Variants in MAML2 observed in about 807,000 individuals in gnomAD.
The protein encoded by MAML2 is mastermind-like protein 2.
MAML2 carries 22 observed loss-of-function variants against 96.1 expected under a neutral mutation model. The ratio of observed to expected loss-of-function variants is 0.23; its 90% CI spans 0.16 to 0.33. The LOEUF (loss-of-function observed/expected upper bound fraction) is 0.33. MAML2 is among the 10% of genes least tolerant of loss of function. The pLI, the probability that MAML2 is intolerant of heterozygous loss-of-function variation, is 1.00. For synonymous variants in MAML2, 561 were observed against 521.3 expected (o/e 1.08, Z -1.04); for missense variants, 1,367 against 1,392.4 (o/e 0.98, Z 0.29).
intron 1 of MAML2, among the ~76,000 whole-genome samples, chr11:96,327,709 G>A (rs1863803821): frequency 6.6e-6 from 1 of 151,912 alleles, no homozygotes; most frequent in South Asian, 2.1e-4. Flanking sequence ...ATGAGCAACT[G>A]CGCCCGGCCC....
intron 2 of MAML2, among the ~76,000 whole-genome samples, chr11:96,089,840 C>A (rs928718585): frequency 6.9e-6 from 1 of 145,310 alleles, no homozygotes; most frequent in Non-Finnish European, 1.5e-5. Flanking sequence ...CACATTTCCA[C>A]CACTTTTTAA....
chr11:96,007,492 AC>A, intron 2 of MAML2, among the ~76,000 whole-genome samples: 1 of 152,270 alleles, frequency 6.6e-6, no homozygotes, highest in Admixed American at 6.5e-5. Context: ...ACAAAATATG[AC>A]TATATCTTGC....
At chr11:95,996,943 T>C (rs1858000639) in intron 2 of MAML2, among the ~76,000 whole-genome samples, 4 of 152,122 alleles carry the variant, frequency 2.6e-5, no homozygotes, top group Admixed American at 2.6e-4. Context: ...CATTCTCAGC[T>C]GATAGATGAG....
intron 4 of MAML2, among the ~76,000 whole-genome samples, 188 bp from the exon 5 acceptor site, chr11:95,980,151 T>C (rs685252): frequency 0.5 from 76,301 of 152,026 alleles, 21,531 homozygotes; most frequent in African/African-American, 0.76. Flanking sequence ...TGAGGTCACT[T>C]TTTGGTTCAG....
intron 1 of MAML2, among the ~76,000 whole-genome samples, chr11:96,120,484 T>C (rs960971787): frequency 5.9e-5 from 9 of 152,226 alleles, no homozygotes; most frequent in Non-Finnish European, 1.2e-4. Context: ...GCCCAGATCC[T>C]GACAGATCGC....
intron 1 of MAML2, among the ~76,000 whole-genome samples, chr11:96,223,815 C>T (rs1862174917): frequency 6.6e-6 from 1 of 152,122 alleles, no homozygotes. Flanking sequence ...TTAGGTACAA[C>T]ACAATTGGGT....
chr11:96,118,573 G>A (rs1485967579), intron 1 of MAML2, among the ~76,000 whole-genome samples: 1 of 152,072 alleles, frequency 6.6e-6, no homozygotes, highest in Non-Finnish European at 1.5e-5. Flanking sequence ...GTGTGAAAAT[G>A]GACTAACACA....
At chr11:95,991,769 A>C (rs201824017) in intron 2 of MAML2, 46 bp from the exon 3 acceptor site, 2 of 1,462,716 alleles carry the variant, frequency 1.4e-6, no homozygotes, top group African/African-American at 2.8e-5. Context: ...GAATTAAAAA[A>C]AGAAAAATGT....
intron 1 of MAML2, among the ~76,000 whole-genome samples, chr11:96,213,928 C>T (rs7116330): frequency 6.6e-6 from 1 of 152,258 alleles, no homozygotes; most frequent in African/African-American, 2.4e-5. Context: ...ATCAGATAGG[C>T]TAACAATGAA....
intron 1 of MAML2, among the ~76,000 whole-genome samples, chr11:96,315,456 T>A (rs1019610354): frequency 2.0e-5 from 3 of 152,242 alleles, no homozygotes; most frequent in African/African-American, 7.2e-5. Flanking sequence ...ACTTACCGTA[T>A]AAAGTAGAAG....
At chr11:96,298,229 C>T (rs1174703480) in intron 1 of MAML2, among the ~76,000 whole-genome samples, 2 of 152,192 alleles carry the variant, frequency 1.3e-5, no homozygotes, top group South Asian at 2.1e-4. Context: ...CTATTGCAAA[C>T]AGCATGCTTA....
intron 1 of MAML2, among the ~76,000 whole-genome samples, chr11:96,308,846 A>G (rs1412867552): frequency 6.6e-6 from 1 of 152,248 alleles, no homozygotes; most frequent in African/African-American, 2.4e-5. Context: ...TGTCTTACAC[A>G]CAATGGATAC....
At chr11:96,262,421 T>A (rs1360375288) in intron 1 of MAML2, among the ~76,000 whole-genome samples, 1 of 152,074 alleles carries the variant, frequency 6.6e-6, no homozygotes, top group Non-Finnish European at 1.5e-5. Context: ...TCTTTCCTCT[T>A]GTTTTTCCCT....
chr11:96,257,397 A>G (rs1862683029), intron 1 of MAML2, among the ~76,000 whole-genome samples: 1 of 152,270 alleles, frequency 6.6e-6, no homozygotes, highest in African/African-American at 2.4e-5. Flanking sequence ...TACTGAGCAC[A>G]GTGCTGGCAC....
In MAML2 at chr11:96,340,203, A is replaced by G. The variant is rs534199597; in HGVS notation, c.513+1180T>C. 3.9e-5 allele frequency among the ~76,000 whole-genome samples: 6 copies of G among 152,344 alleles called. No homozygotes were observed. In the East Asian group the frequency reaches 1.2e-3, roughly 29 times the overall value. On this transcript the variant is annotated intron_variant, in intron 1 of 4. Coordinates refer to ENST00000524717, the MANE Select transcript of MAML2 (RefSeq NM_032427.4). Reference sequence around the variant, plus strand: ...GAGGATGTCCTCTCCCGAGAGCTCAATATCAAGCTCCTTTGGAGGAGCAGT... The same window carrying G: ...GAGGATGTCCTCTCCCGAGAGCTCAGTATCAAGCTCCTTTGGAGGAGCAGT...
intron 1 of MAML2, among the ~76,000 whole-genome samples, chr11:96,131,697 T>C (rs1372486226): frequency 6.6e-6 from 1 of 152,180 alleles, no homozygotes; most frequent in Non-Finnish European, 1.5e-5. Context: ...TAGAATTAGA[T>C]AGTGGTGATG....
intron 1 of MAML2, among the ~76,000 whole-genome samples, chr11:96,169,731 T>G (rs1488019371): frequency 6.6e-6 from 1 of 151,544 alleles, no homozygotes; most frequent in Middle Eastern, 3.4e-3. Flanking sequence ...CTCAGCTCAC[T>G]GCAACCTCTA....
intron 2 of MAML2, among the ~76,000 whole-genome samples, chr11:96,080,888 G>A (rs577609332): frequency 1.1e-4 from 17 of 152,304 alleles, no homozygotes; most frequent in Admixed American, 1.1e-3. Flanking sequence ...CTGATTCTGA[G>A]GTAGACACTC....
At chr11:96,085,822 T>A (rs1488687434) in intron 2 of MAML2, among the ~76,000 whole-genome samples, 1 of 152,234 alleles carries the variant, frequency 6.6e-6, no homozygotes, top group Non-Finnish European at 1.5e-5. Flanking sequence ...TTCTTCTTGT[T>A]ATTGTGTTCA....
Sources: allele counts gnomAD v4.1 joint callset (sites outside exome capture counted in the v4.1 genomes callset), GRCh38; gene constraint gnomAD v4.1.1; transcripts MANE v1.5; gene names NCBI Gene and HGNC (gene_info 2026-07-23, HGNC 2026-07-21).